The following AOC3 variants were observed in gnomAD, a reference collection of about 807,000 sequenced individuals.
AOC3 encodes amine oxidase copper containing 3.
A neutral mutation model predicts 55.4 loss-of-function variants in AOC3; 47 were observed. The ratio of observed to expected loss-of-function variants is 0.85; its 90% confidence interval spans 0.67 to 1.08. The LOEUF is 1.08. Ranked by LOEUF, AOC3 falls within the 50% of genes least tolerant of loss-of-function variation. The probability of loss-of-function intolerance (pLI) is 0.00; values close to 1 mark genes in which losing one functional copy is unlikely to be tolerated. For synonymous variants in AOC3, 386 were observed against 410.7 expected, an observed-to-expected ratio of 0.94 and a Z score of 0.73; for missense variants, 853 against 993.1, an observed-to-expected ratio of 0.86 and a Z score of 1.90.
rs1014261986 is a variant in AOC3 at position 42,851,972 on chromosome 17, C to T, written c.629C>T (p.Thr210Ile). 1.9e-6 allele frequency: 3 copies of T among 1,613,672 alleles called. No homozygotes were observed. The African/African-American group carries it at 4.0e-5, about 22-fold the overall frequency. ...AAGCACCGGGGACGGAACCTGGTGA[C>T]AATGACCACGGCTCCCCGTGGTCTG... is the stretch of plus-strand genomic sequence containing the variant. ...FYKHRGRNLVTMTTAPRGLQS... is the reference protein window; with the variant it reads ...FYKHRGRNLVIMTTAPRGLQS... Residue 210 changes from threonine (T) to isoleucine (I), a missense_variant, in exon 1 of 4, where the codon ACA (threonine) becomes ATA (isoleucine). Thr to Ile is a moderately conservative substitution (Grantham distance 89). Coordinates refer to ENST00000308423, the MANE Select transcript of AOC3 (RefSeq NM_003734.4).
Position 42,857,763 on chromosome 17 carries a change from T to G in AOC3, c.*1213T>G, listed in dbSNP as rs2144313229. On this transcript the variant is annotated 3_prime_UTR_variant, in exon 4 of 4. Coordinates refer to ENST00000308423, the MANE Select transcript of AOC3 (RefSeq NM_003734.4). ...ATGAGAAACAACAGAAACTTTTTTCTCTAAAGGACTGGTTAAATCAATTCT... is the reference window on the plus strand; with the variant it reads ...ATGAGAAACAACAGAAACTTTTTTCGCTAAAGGACTGGTTAAATCAATTCT... 1 of 152,338 alleles carries G rather than the reference T, an allele frequency of 6.6e-6. No homozygotes were observed. Among genetic ancestry groups the G allele is most frequent in the East Asian group, 1.9e-4 (1 of 5,190 alleles). 9.4% of individuals were successfully genotyped at this position (152,338 alleles called of 1,614,324 possible).
intron 1 of AOC3, 25 bp downstream of exon 1, chr17:42,852,968 G>A (rs1483030221): frequency 6.3e-7 from 1 of 1,590,048 alleles, no homozygotes; most frequent in Non-Finnish European, 8.6e-7. Context: ...TGGGGAGAAG[G>A]CTTCTGGAAG....
chr17:42,852,602 A>G lies in AOC3; in HGVS notation c.1259A>G (p.Gln420Arg). The G allele has an allele frequency of 6.2e-7, 1 of 1,614,206 alleles. No individual in the cohort carries two copies. ...YVDWHFLLES[Q>R]APKTIRDAFC... ...GACTGGCACTTCCTTTTGGAGTCCC[A>G]GGCCCCCAAGACAATACGTGATGCC... Residue 420 changes from glutamine to arginine, a missense_variant, in exon 1 of 4, where the codon CAG (glutamine) becomes CGG (arginine). Transcript: ENST00000308423.
intron 1 of AOC3, 62 bp from the exon 2 acceptor site, chr17:42,854,386 G>T: frequency 7.2e-7 from 1 of 1,393,902 alleles, no homozygotes; most frequent in East Asian, 2.7e-5. Flanking sequence ...CCAGATGGGG[G>T]CAGAGTCCAG....
chr17:42,852,169 C>T lies in AOC3; in HGVS notation c.826C>T (p.Gln276Ter), dbSNP rs370932333. 11 of 1,613,830 alleles carry T rather than the reference C, an allele frequency of 6.8e-6. 1 individual carries two copies. Among genetic ancestry groups the T allele is most frequent in the South Asian group, 3.3e-5 (3 of 91,070 alleles). Residue 276 changes from glutamine (Q) to a stop codon, truncating the protein, a stop_gained, in exon 1 of 4, where the codon CAG becomes TAG. Transcript: ENST00000308423. LOFTEE classifies it high-confidence loss of function. The stretch of plus-strand genomic sequence containing the variant: ...AGGCCGCTACTACGACAGCCTGGCC[C>T]AGCTGGAGGCCCAGTTTGAGGCCGG... ...YQGRYYDSLAQLEAQFEAGLV... is the reference protein window; with the variant it reads ...YQGRYYDSLA
In AOC3 at chr17:42,855,542, A is replaced by C; in HGVS notation, c.1985A>C (p.Asp662Ala). 6.2e-7 allele frequency: 1 copy of C among 1,614,116 alleles called. No individual in the cohort carries two copies. The highest frequency in any genetic ancestry group is 1.1e-5 in the South Asian group (1 of 91,060). ...TGGGCCCCCACTGTGGATTTCAGTG[A>C]CTTCATCAACAATGAGACCATTGCT... ...DPWAPTVDFS[D>A]FINNETIAGK... is the part of the protein sequence containing the mutation. The change falls in exon 3 of 4, where the codon GAC (aspartate) becomes GCC (alanine). Residue 662 changes from aspartate to alanine, a missense_variant. Physicochemically the swap from Asp to Ala is moderately radical, Grantham distance 126. Transcript: ENST00000308423.
At chr17:42,853,215 GT>G (rs2055700613) in intron 1 of AOC3, 1 of 1,307,710 alleles carries the variant, frequency 7.6e-7, no homozygotes. Flanking sequence ...GGCTAACAGT[GT>G]CCCCATTGCC....
In AOC3 at chr17:42,851,665, G is replaced by T; in HGVS notation, c.322G>T (p.Ala108Ser). The change falls in exon 1 of 4, where the codon GCA becomes TCA. Residue 108 changes from alanine (A) to serine (S), a missense_variant. Physicochemically the swap from Ala to Ser is moderately conservative, Grantham distance 99. Coordinates refer to ENST00000308423, the MANE Select transcript of AOC3 (RefSeq NM_003734.4). ...GGAGTTGCAGCTGCCTCCCAAGGCT[G>T]CAGCCCTGGCTCACTTGGACAGGGG... Reference protein sequence around the residue: ...SVELQLPPKAAALAHLDRGSP... With the variant: ...SVELQLPPKASALAHLDRGSP... The T allele has an allele frequency of 6.2e-7, 1 of 1,612,956 alleles. No homozygotes were observed. Among genetic ancestry groups the T allele is most frequent in the Non-Finnish European group, 8.5e-7 (1 of 1,179,986 alleles).
chr17:42,856,292 G>A lies in AOC3; in HGVS notation c.2034G>A (p.Val678=). 1.2e-6 allele frequency: 2 copies of A among 1,614,010 alleles called. No individual in the cohort carries two copies. The highest frequency in any genetic ancestry group is 8.5e-7 in the Non-Finnish European group (1 of 1,179,902). ...CCTGCTAGGATTTGGTGGCCTGGGT[G>A]ACAGCTGGTTTTCTGCATATCCCAC... is the stretch of plus-strand genomic sequence containing the variant. ...TIAGKDLVAW[V]TAGFLHIPHA... The change falls in exon 4 of 4, where the codon GTG becomes GTA. Residue 678 remains valine, a synonymous_variant. Coordinates refer to ENST00000308423, the MANE Select transcript of AOC3 (RefSeq NM_003734.4).
rs2055694196 is a variant in AOC3 at position 42,852,828 on chromosome 17, C to T, written c.1485C>T (p.Ile495=). Residue 495 remains isoleucine (I), a synonymous_variant, in exon 1 of 4, where the codon ATC becomes ATT. Transcript: ENST00000308423. The part of the protein sequence containing the change: ...IEIRFYATGY[I]SSAFLFGATG... ...TACGATTCTATGCCACGGGCTACAT[C>T]AGCTCGGCATTCCTCTTTGGTGCTA... The T allele has an allele frequency of 6.2e-7, 1 of 1,614,104 alleles. No individual in the cohort carries two copies. The highest frequency in any genetic ancestry group is 8.5e-7 in the Non-Finnish European group (1 of 1,179,952).
rs33954211 is a variant in AOC3, at chr17:42,851,357, C to G, written c.14C>G (p.Thr5Arg). 5.0e-6 allele frequency: 8 copies of G among 1,600,184 alleles called. No individual in the cohort carries two copies. The African/African-American group carries it at 1.1e-4, about 21-fold the overall frequency. ...CTTCGTGGGAAAATGAACCAGAAGACAATCCTCGTGCTCCTCATTCTGGCC... is the reference window on the plus strand; with the variant it reads ...CTTCGTGGGAAAATGAACCAGAAGAGAATCCTCGTGCTCCTCATTCTGGCC... The part of the protein sequence containing the change: MNQK[T>R]ILVLLILAVI... The change falls in exon 1 of 4, where the codon ACA (threonine) becomes AGA (arginine). Residue 5 changes from threonine to arginine, a missense_variant. Coordinates refer to ENST00000308423, the MANE Select transcript of AOC3 (RefSeq NM_003734.4).
At position 42,851,953 on chromosome 17, in the gene AOC3, C is replaced by G; in HGVS notation, c.610C>G (p.Arg204Gly). 5 of 1,613,748 alleles carry G rather than the reference C, an allele frequency of 3.1e-6. No homozygotes were observed. The South Asian group carries it at 4.4e-5, about 14-fold the overall frequency. ...CCACCACTGTTGCTTCTACAAGCAC[C>G]GGGGACGGAACCTGGTGACAATGAC... is the stretch of plus-strand genomic sequence containing the variant. ...LLHHCCFYKH[R>G]GRNLVTMTTA... The change falls in exon 1 of 4, where the codon CGG becomes GGG. Residue 204 changes from arginine to glycine, a missense_variant. Arg to Gly is a moderately radical substitution (Grantham distance 125). Coordinates refer to ENST00000308423, the MANE Select transcript of AOC3 (RefSeq NM_003734.4).
At position 42,853,454 on chromosome 17, in the gene AOC3, G is replaced by A. The variant is rs564139150; in HGVS notation, c.1600+511G>A. ...CTCTGGGCACAATTCACCTAAGTGT[G>A]AGGGGTCACATGGATCCCGTGGAGC... is the stretch of plus-strand genomic sequence containing the variant. On this transcript the variant is annotated intron_variant, in intron 1 of 3. Transcript: ENST00000308423. The A allele has an allele frequency of 2.1e-5, 20 of 961,286 alleles. No individual in the cohort carries two copies. In the African/African-American group the frequency reaches 3.0e-4, roughly 14 times the overall value. The allele number at this position is 961,286 out of a possible 1,614,324, so 59.5% of individuals were successfully genotyped here.
Position 42,851,748 on chromosome 17 carries a change from G to A in AOC3, c.405G>A (p.Gln135=). The change falls in exon 1 of 4, where the codon CAG becomes CAA. Residue 135 remains glutamine (Q), a synonymous_variant. Transcript: ENST00000308423. The part of the protein sequence containing the change: ...LAIVFFGRQP[Q]PNVSELVVGP... ...TCGTCTTCTTTGGCAGGCAACCCCAGCCCAACGTGAGTGAGCTGGTGGTGG... is the reference window on the plus strand; with the variant it reads ...TCGTCTTCTTTGGCAGGCAACCCCAACCCAACGTGAGTGAGCTGGTGGTGG... The A allele has an allele frequency of 6.2e-7, 1 of 1,612,568 alleles. No individual in the cohort carries two copies. Among genetic ancestry groups the A allele is most frequent in the South Asian group, 1.1e-5 (1 of 91,064 alleles).
At position 42,855,559 on chromosome 17, in the gene AOC3, A is replaced by G; in HGVS notation, c.2002A>G (p.Thr668Ala). The part of the protein sequence containing the change: ...VDFSDFINNE[T>A]IAGKDLVAWV... ...TTTCAGTGACTTCATCAACAATGAG[A>G]CCATTGCTGGAAAGGTCAGCTGGCC... Residue 668 changes from threonine (T) to alanine (A), a missense_variant, in exon 3 of 4, where the codon ACC becomes GCC. Transcript: ENST00000308423. 1 of 1,614,104 alleles carries G rather than the reference A, an allele frequency of 6.2e-7. No homozygotes were observed. The highest frequency in any genetic ancestry group is 8.5e-7 in the Non-Finnish European group (1 of 1,180,026).
rs1417188572 is a variant in AOC3, at chr17:42,852,280, C to G, written c.937C>G (p.Pro313Ala). ...CCCTGTGCCCCCGGGTCCAGCTCCC[C>G]CTCTACAGTTCTATCCCCAAGGCCC... is the stretch of plus-strand genomic sequence containing the variant. ...KSPVPPGPAP[P>A]LQFYPQGPRF... Residue 313 changes from proline (P) to alanine (A), a missense_variant, in exon 1 of 4, where the codon CCT becomes GCT. Coordinates refer to ENST00000308423, the MANE Select transcript of AOC3 (RefSeq NM_003734.4). 6.2e-7 allele frequency: 1 copy of G among 1,614,056 alleles called. No homozygotes were observed. The highest frequency in any genetic ancestry group is 8.5e-7 in the Non-Finnish European group (1 of 1,180,022).
chr17:42,851,754 C>T lies in AOC3; in HGVS notation c.411C>T (p.Asn137=), dbSNP rs755033067. 29 of 1,612,302 alleles carry T rather than the reference C, an allele frequency of 1.8e-5. No individual in the cohort carries two copies. The highest frequency in any genetic ancestry group is 1.2e-4 in the Admixed American group (7 of 59,962). The change falls in exon 1 of 4, where the codon AAC becomes AAT. Residue 137 remains asparagine (N), a synonymous_variant. Coordinates refer to ENST00000308423, the MANE Select transcript of AOC3 (RefSeq NM_003734.4). The stretch of plus-strand genomic sequence containing the variant: ...TCTTTGGCAGGCAACCCCAGCCCAA[C>T]GTGAGTGAGCTGGTGGTGGGGCCAC... ...IVFFGRQPQP[N]VSELVVGPLP...
rs1267500437 is a variant in AOC3 at position 42,852,762 on chromosome 17, T to C, written c.1419T>C (p.Tyr473=). The C allele has an allele frequency of 1.9e-6, 3 of 1,614,038 alleles. No individual in the cohort carries two copies. Among genetic ancestry groups the C allele is most frequent in the Admixed American group, 1.7e-5 (1 of 60,026 alleles). Residue 473 remains tyrosine, a synonymous_variant, in exon 1 of 4, where the codon TAT becomes TAC. Coordinates refer to ENST00000308423, the MANE Select transcript of AOC3 (RefSeq NM_003734.4). The part of the protein sequence containing the change: ...RSMSTLLNYD[Y]VWDTVFHPSG... ...TGTCCACCTTGCTCAACTATGACTA[T>C]GTGTGGGATACGGTCTTCCACCCCA... is the stretch of plus-strand genomic sequence containing the variant.
chr17:42,851,939 G>A lies in AOC3; in HGVS notation c.596G>A (p.Cys199Tyr), dbSNP rs748094339. Residue 199 changes from cysteine to tyrosine, a missense_variant, in exon 1 of 4, where the codon TGC becomes TAC. Cys to Tyr is a radical substitution (Grantham distance 194). Coordinates refer to ENST00000308423, the MANE Select transcript of AOC3 (RefSeq NM_003734.4). ...PQASGLLHHC[C>Y]FYKHRGRNLV... ...GCTTCTGGGCTTCTCCACCACTGTTGCTTCTACAAGCACCGGGGACGGAAC... is the reference window on the plus strand; with the variant it reads ...GCTTCTGGGCTTCTCCACCACTGTTACTTCTACAAGCACCGGGGACGGAAC... 3.7e-6 allele frequency: 6 copies of A among 1,613,650 alleles called. No homozygotes were observed. The highest frequency in any genetic ancestry group is 1.6e-4 in the Middle Eastern group (1 of 6,076).
Sources: gnomAD v4.1 joint callset for allele counts on GRCh38, gnomAD v4.1.1 for gene constraint, MANE v1.5 for transcripts, NCBI Gene and HGNC (gene_info 2026-07-23, HGNC 2026-07-21) for gene names.